The following TIAM1 variants were observed in gnomAD, a reference collection of about 807,000 sequenced individuals.
The protein encoded by TIAM1 is TIAM Rac1 associated GEF 1.
In TIAM1, 65 loss-of-function variants were observed where a neutral mutation model predicts 163.5. The ratio of observed to expected loss-of-function variants is 0.40; its 90% CI spans 0.33 to 0.49. The LOEUF is 0.49. Ranked by LOEUF, TIAM1 falls within the 20% of genes least tolerant of loss-of-function variation. The probability of loss-of-function intolerance (pLI) is 0.77; values close to 1 mark genes in which losing one functional copy is unlikely to be tolerated. For synonymous variants in TIAM1, 833 were observed against 810.1 expected, an observed-to-expected ratio of 1.03 and a Z score of -0.48; for missense variants, 1,789 against 2,044.7, an observed-to-expected ratio of 0.87 and a Z score of 2.41.
chr21:31,468,387 G>A (rs2045608128), intron 1 of TIAM1, among the ~76,000 whole-genome samples: 1 of 152,068 alleles, frequency 6.6e-6, no homozygotes, highest in African/African-American at 2.4e-5. Flanking sequence ...GGAGGCTGAG[G>A]CAGGAGAATC....
At position 31,494,552 on chromosome 21, in the gene TIAM1, T is replaced by A. The variant is rs114028713; in HGVS notation, c.-421-30517A>T. Among the ~76,000 whole-genome samples the A allele has an allele frequency of 1.1e-3, 172 of 152,258 alleles. 1 individual carries two copies. The highest frequency in any genetic ancestry group is 4.0e-3 in the African/African-American group (166 of 41,558). On this transcript the variant is annotated intron_variant, in intron 1 of 28. Transcript: ENST00000286827. ...TGCAGGAAAAGTCAGCGTAGAAGACTGCTAAAAATCAGCCAGGCACAGTGG... is the reference window on the plus strand; with the variant it reads ...TGCAGGAAAAGTCAGCGTAGAAGACAGCTAAAAATCAGCCAGGCACAGTGG...
At chr21:31,474,228 C>T (rs934275954) in intron 1 of TIAM1, among the ~76,000 whole-genome samples, 1 of 152,164 alleles carries the variant, frequency 6.6e-6, no homozygotes, top group Non-Finnish European at 1.5e-5. Flanking sequence ...TACTGGAGAT[C>T]ACATTTCAAC....
intron 15 of TIAM1, among the ~76,000 whole-genome samples, chr21:31,175,805 G>C (rs2084736272): frequency 6.6e-6 from 1 of 152,118 alleles, no homozygotes; most frequent in Non-Finnish European, 1.5e-5. Context: ...CACCATGTCG[G>C]TCAGGCTGGT....
intron 2 of TIAM1, among the ~76,000 whole-genome samples, chr21:31,441,490 T>A (rs751612047): frequency 5.3e-5 from 8 of 152,142 alleles, no homozygotes; most frequent in Admixed American, 2.6e-4. Context: ...CCCAGGAATA[T>A]GGCAATGTTG....
intron 19 of TIAM1, among the ~76,000 whole-genome samples, chr21:31,152,002 A>G (rs1420084351): frequency 2.1e-5 from 3 of 142,000 alleles, no homozygotes; most frequent in African/African-American, 7.8e-5. Context: ...TAATTTGTTT[A>G]CTGGGTAACC....
intron 20 of TIAM1, among the ~76,000 whole-genome samples, chr21:31,146,583 C>T (rs1476864663): frequency 5.3e-5 from 8 of 151,056 alleles, no homozygotes; most frequent in South Asian, 2.1e-4. Context: ...TGGTGGTGCA[C>T]GCCTGTAATC....
At chr21:31,359,039 C>T (rs1431825562) in intron 2 of TIAM1, among the ~76,000 whole-genome samples, 2 of 152,118 alleles carry the variant, frequency 1.3e-5, no homozygotes, top group African/African-American at 2.4e-5. Context: ...CTGGAACATT[C>T]CAGGTAGGCT....
intron 2 of TIAM1, among the ~76,000 whole-genome samples, chr21:31,385,092 G>A (rs952471622): frequency 3.9e-5 from 6 of 152,032 alleles, no homozygotes; most frequent in South Asian, 2.1e-4. Context: ...ACATGGTTTC[G>A]CTCTTATTGT....
rs747595835 is a variant in TIAM1 at position 31,223,433 on chromosome 21, G to C, written c.1968C>G (p.Ile656Met). ...PTKVAMGRLG[I>M]FSVSSFHALV... ...GGGCATGAAACGATGATACCGAAAA[G>C]ATTCCAAGGCGGCCCATGGCCACTT... The change falls in exon 8 of 28, where the codon ATC (isoleucine) becomes ATG (methionine). Residue 656 changes from isoleucine to methionine, a missense_variant. Ile to Met is a conservative substitution (Grantham distance 10). Around this residue, in one of 5 missense-constraint regions of TIAM1, gnomAD observed 456 missense variants for 586.6 expected, o/e 0.78. Transcript: ENST00000541036. 17 of 1,613,376 alleles carry C rather than the reference G, an allele frequency of 1.1e-5. No homozygotes were observed. The highest frequency in any genetic ancestry group is 1.4e-5 in the Non-Finnish European group (17 of 1,179,582).
chr21:31,503,403 AAGAAGAGAAG>A (rs1402222629), intron 1 of TIAM1, among the ~76,000 whole-genome samples: 2 of 132,752 alleles, frequency 1.5e-5, no homozygotes, highest in Non-Finnish European at 3.2e-5. Context: ...AGAAAAGAAA[AAGAAGAGAAG>A]AGAAGAGGAG....
chr21:31,202,951 A>G lies in TIAM1; in HGVS notation c.2450T>C (p.Met817Thr). The change falls in exon 12 of 28, where the codon ATG becomes ACG. Residue 817 changes from methionine to threonine, a missense_variant. This residue lies in a region of TIAM1 where 456 missense variants were observed against 586.6 expected (regional missense o/e 0.78). Transcript: ENST00000541036. The stretch of plus-strand genomic sequence containing the variant: ...CTCGGGCTGTGGAACATAGAGCTGC[A>G]TTTTGTTTTCTATTAGAAATTTCAG... Reference protein sequence around the residue: ...LRLKFLIENKMQLYVPQPEED... With the variant: ...LRLKFLIENKTQLYVPQPEED... 6.2e-7 allele frequency: 1 copy of G among 1,614,178 alleles called. No individual in the cohort carries two copies. The highest frequency in any genetic ancestry group is 8.5e-7 in the Non-Finnish European group (1 of 1,180,032).
chr21:31,360,786 C>A (rs1030696296), intron 2 of TIAM1, among the ~76,000 whole-genome samples: 22 of 152,066 alleles, frequency 1.4e-4, no homozygotes, highest in Non-Finnish European at 5.9e-5. Context: ...ATTCCAATGA[C>A]CAATAAACCT....
intron 2 of TIAM1, among the ~76,000 whole-genome samples, chr21:31,365,323 C>G (rs2076480846): frequency 6.6e-6 from 1 of 151,956 alleles, no homozygotes; most frequent in Admixed American, 6.6e-5. Context: ...GCTGATGTTT[C>G]CGTCTTGTCC....
At chr21:31,384,421 A>T (rs980041457) in intron 2 of TIAM1, among the ~76,000 whole-genome samples, 1 of 150,836 alleles carries the variant, frequency 6.6e-6, no homozygotes, top group Non-Finnish European at 1.5e-5. Flanking sequence ...AAAAAAAAAA[A>T]TTTAATTAGC....
intron 19 of TIAM1, among the ~76,000 whole-genome samples, chr21:31,149,799 T>C (rs1254100739): frequency 6.6e-6 from 1 of 152,214 alleles, no homozygotes; most frequent in African/African-American, 2.4e-5. Flanking sequence ...ATTATCAATT[T>C]ACTAATTTAG....
At chr21:31,168,960 G>A (rs746645498) in intron 15 of TIAM1, among the ~76,000 whole-genome samples, 6 of 152,312 alleles carry the variant, frequency 3.9e-5, no homozygotes, top group Non-Finnish European at 7.3e-5. Flanking sequence ...ATGATCAGAT[G>A]TAGAATGTCA....
Position 31,154,286 on chromosome 21 carries a change from C to G in TIAM1, c.3132G>C (p.Val1044=). The part of the protein sequence containing the change: ...QLSDADKLRK[V]ICELLETERT... ...GCTCCGTCTCCAGGAGCTCGCAGAT[C>G]ACCTTGCGCAGCTTATCTGCATCCG... The change falls in exon 17 of 28, where the codon GTG becomes GTC. Residue 1044 remains valine (V), a synonymous_variant. Coordinates refer to ENST00000541036, the MANE Select transcript of TIAM1 (RefSeq NM_001353694.2). 6.2e-7 allele frequency: 1 copy of G among 1,614,106 alleles called. No individual in the cohort carries two copies. The highest frequency in any genetic ancestry group is 8.5e-7 in the Non-Finnish European group (1 of 1,180,008).
chr21:31,309,773 A>G (rs2074853939), intron 2 of TIAM1, among the ~76,000 whole-genome samples: 1 of 152,216 alleles, frequency 6.6e-6, no homozygotes, highest in Non-Finnish European at 1.5e-5. Context: ...GAAAAACCCA[A>G]ATCTGATTTC....
At chr21:31,394,708 GCTCTCTCTCT>G (rs954246497) in intron 2 of TIAM1, among the ~76,000 whole-genome samples, 5 of 105,244 alleles carry the variant, frequency 4.8e-5, no homozygotes, top group Non-Finnish European at 1.9e-5. Context: ...TCTCTCTCTC[GCTCTCTCTCT>G]CTCTCTCTCT....
Sources: allele counts gnomAD v4.1 joint callset (sites outside exome capture counted in the v4.1 genomes callset), GRCh38; gene constraint gnomAD v4.1.1; regional missense constraint gnomAD v4.1.1; transcripts MANE v1.5; gene names NCBI Gene and HGNC (gene_info 2026-07-23, HGNC 2026-07-21).